The following CRACD variants were observed in gnomAD, a reference collection of about 807,000 sequenced individuals.
CRACD encodes the protein capping protein inhibiting regulator of actin dynamics.
Under a neutral mutation model 106.8 loss-of-function variants are expected in CRACD, and 56 were observed. The ratio of observed to expected loss-of-function variants is 0.52; its 90% CI spans 0.42 to 0.66. CRACD has a LOEUF of 0.66. Among genes scored for constraint, CRACD ranks in the 30% least tolerant of loss-of-function variants. The pLI, the probability that CRACD is intolerant of heterozygous loss-of-function variation, is 0.00. For synonymous variants in CRACD, 754 were observed against 670.8 expected (o/e 1.12, Z -1.92); for missense variants, 1,730 against 1,623.2 (o/e 1.07, Z -1.13).
At chr4:56,232,891 AT>A (rs959806355) in intron 2 of CRACD, among the ~76,000 whole-genome samples, 22 of 150,282 alleles carry the variant, frequency 1.5e-4, no homozygotes, top group African/African-American at 4.6e-4. Flanking sequence ...GGCCCAGCTA[AT>A]TTTTTTTTGT....
intron 1 of CRACD, among the ~76,000 whole-genome samples, chr4:56,123,063 A>T (rs1288629819): frequency 6.6e-6 from 1 of 152,248 alleles, no homozygotes; most frequent in East Asian, 1.9e-4. Flanking sequence ...TTATCGAAGT[A>T]AGATAGTCTT....
intron 1 of CRACD, among the ~76,000 whole-genome samples, chr4:56,101,120 A>G (rs1199749481): frequency 1.8e-5 from 2 of 110,868 alleles, no homozygotes; most frequent in Non-Finnish European, 3.9e-5. Flanking sequence ...TTTATAGAGA[A>G]GCCTCTTGCT....
intron 10 of CRACD, among the ~76,000 whole-genome samples, chr4:56,326,062 C>T (rs1746424429): frequency 6.6e-6 from 1 of 152,170 alleles, no homozygotes; most frequent in African/African-American, 2.4e-5. Context: ...CAGGCACACG[C>T]CACCACACCC....
Position 56,049,102 on chromosome 4 carries a change from T to G in CRACD, c.-533T>G, listed in dbSNP as rs1221813987. On this transcript the variant is annotated 5_prime_UTR_variant, in exon 1 of 11. Coordinates refer to ENST00000682029, the MANE Select transcript of CRACD (RefSeq NM_001393381.1). ...ACGCCGCGCGGGGCCGGGCGCGCAG[T>G]GCCGCGCGGTGGCGGCAGTGGGGAG... 6 of 149,654 alleles carry G rather than the reference T, an allele frequency of 4.0e-5. No homozygotes were observed. Among genetic ancestry groups the G allele is most frequent in the African/African-American group, 1.5e-4 (6 of 41,150 alleles). The allele number at this position is 149,654 out of a possible 1,614,324, so 9.3% of individuals were successfully genotyped here. A position where few individuals can be genotyped will look rare whatever the true frequency, so the allele number is the denominator to read the frequency against.
chr4:56,291,252 G>T (rs971934107), intron 3 of CRACD, among the ~76,000 whole-genome samples: 3 of 152,204 alleles, frequency 2.0e-5, no homozygotes, highest in African/African-American at 4.8e-5. Flanking sequence ...AGCAGGGAGA[G>T]GTGGAGTTGG....
chr4:56,269,208 C>T (rs1742204674), intron 2 of CRACD, among the ~76,000 whole-genome samples: 2 of 151,866 alleles, frequency 1.3e-5, no homozygotes, highest in African/African-American at 2.4e-5. Flanking sequence ...CACAGTGATA[C>T]CCCGTCTCTA....
At chr4:56,235,049 A>G (rs1458618501) in intron 2 of CRACD, among the ~76,000 whole-genome samples, 1 of 152,242 alleles carries the variant, frequency 6.6e-6, no homozygotes, top group Non-Finnish European at 1.5e-5. Context: ...ATTTGTATGC[A>G]TATTGCGATA....
At chr4:56,271,447 G>A (rs1742341703) in intron 2 of CRACD, among the ~76,000 whole-genome samples, 1 of 152,150 alleles carries the variant, frequency 6.6e-6, no homozygotes, top group African/African-American at 2.4e-5. Context: ...GGAAATATAT[G>A]GGGATAGAGG....
chr4:56,293,905 A>T (rs1015222791), intron 3 of CRACD, among the ~76,000 whole-genome samples: 2 of 144,448 alleles, frequency 1.4e-5, no homozygotes, highest in African/African-American at 5.1e-5. Context: ...GCAGTAATAC[A>T]AGCTTATCTA....
At chr4:56,186,074 G>A (rs1737083656) in intron 2 of CRACD, among the ~76,000 whole-genome samples, 1 of 152,208 alleles carries the variant, frequency 6.6e-6, no homozygotes, top group Admixed American at 6.5e-5. Flanking sequence ...GACTTGAAAT[G>A]AGATTCCTCT....
At chr4:56,086,776 C>T (rs1252347099) in intron 1 of CRACD, among the ~76,000 whole-genome samples, 1 of 152,110 alleles carries the variant, frequency 6.6e-6, no homozygotes, top group Non-Finnish European at 1.5e-5. Flanking sequence ...GGTGAATCAG[C>T]CTGGCCCCCA....
chr4:56,235,238 C>G (rs1739895750), intron 2 of CRACD, among the ~76,000 whole-genome samples: 1 of 152,116 alleles, frequency 6.6e-6, no homozygotes, highest in Non-Finnish European at 1.5e-5. Flanking sequence ...GGGTGTTTGT[C>G]AAGTCAGAGC....
intron 2 of CRACD, among the ~76,000 whole-genome samples, chr4:56,236,632 G>C (rs1310800317): frequency 5.9e-5 from 9 of 151,668 alleles, no homozygotes; most frequent in Non-Finnish European, 1.3e-4. Context: ...AATGACATGA[G>C]AAAACAGGGT....
rs79176572 is a variant in CRACD at position 56,113,582 on chromosome 4, C to T, written c.-336+64283C>T. On this transcript the variant is annotated intron_variant, in intron 1 of 10. Coordinates refer to ENST00000682029, the MANE Select transcript of CRACD (RefSeq NM_001393381.1). ...TAGAGGGGAAATGAGGGAGCTAAGACGATTGAGCAAAATCTGCTAGTTTTT... is the reference window on the plus strand; with the variant it reads ...TAGAGGGGAAATGAGGGAGCTAAGATGATTGAGCAAAATCTGCTAGTTTTT... Among the ~76,000 whole-genome samples, 520 of 152,118 alleles carry T rather than the reference C, an allele frequency of 3.4e-3. 1 individual carries two copies. Among genetic ancestry groups the T allele is most frequent in the African/African-American group, 0.012 (484 of 41,504 alleles).
chr4:56,200,631 C>T (rs1737836944), intron 2 of CRACD, among the ~76,000 whole-genome samples: 1 of 152,094 alleles, frequency 6.6e-6, no homozygotes, highest in Non-Finnish European at 1.5e-5. Context: ...CTACTACCTT[C>T]CAGAATTTTT....
intron 1 of CRACD, among the ~76,000 whole-genome samples, chr4:56,116,468 T>A (rs1338238756): frequency 6.6e-6 from 1 of 152,222 alleles, no homozygotes; most frequent in Non-Finnish European, 1.5e-5. Flanking sequence ...CACTCTGTAC[T>A]GCACCATGAT....
At chr4:56,324,508 A>G (rs1183665232) in intron 10 of CRACD, among the ~76,000 whole-genome samples, 1 of 152,206 alleles carries the variant, frequency 6.6e-6, no homozygotes, top group Non-Finnish European at 1.5e-5. Flanking sequence ...GAGGGGGTAG[A>G]GAGACCTCTG....
At chr4:56,286,909 T>C (rs1250151225) in intron 3 of CRACD, among the ~76,000 whole-genome samples, 1 of 152,210 alleles carries the variant, frequency 6.6e-6, no homozygotes, top group Middle Eastern at 3.2e-3. Flanking sequence ...TTACAGTGTG[T>C]GAGCCCTAAC....
At chr4:56,211,290 C>G (rs1738388830) in intron 2 of CRACD, among the ~76,000 whole-genome samples, 1 of 152,208 alleles carries the variant, frequency 6.6e-6, no homozygotes, top group Non-Finnish European at 1.5e-5. Flanking sequence ...AAGGATTTTT[C>G]CCAGTCACTT....
Sources: allele counts gnomAD v4.1 joint callset (sites outside exome capture counted in the v4.1 genomes callset), GRCh38; gene constraint gnomAD v4.1.1; transcripts MANE v1.5; gene names NCBI Gene and HGNC (gene_info 2026-07-23, HGNC 2026-07-21).